Variants in ASTN2 observed in about 807,000 individuals in gnomAD.
ASTN2 encodes the protein astrotactin 2.
A neutral mutation model predicts 139.8 loss-of-function variants in ASTN2; 54 were observed. The observed-to-expected ratio is 0.39, with a 90% CI of 0.31 to 0.48. The LOEUF is 0.48. Among genes scored for constraint, ASTN2 ranks in the 20% least tolerant of loss-of-function variants. The probability of loss-of-function intolerance (pLI) is 0.95; values close to 1 mark genes in which losing one functional copy is unlikely to be tolerated. For missense variants in ASTN2, 1,565 were observed against 1,725.1 expected (o/e 0.91, Z 1.64); for synonymous variants, 756 against 719.5 (o/e 1.05, Z -0.81).
At chr9:117,078,637 G>C (rs187778500) in intron 5 of ASTN2, among the ~76,000 whole-genome samples, 128 of 152,310 alleles carry the variant, frequency 8.4e-4, no homozygotes, top group Non-Finnish European at 1.6e-3. Context: ...GCTTGAAAAT[G>C]GCTGGAGGGC....
intron 10 of ASTN2, among the ~76,000 whole-genome samples, chr9:116,903,585 A>T (rs1487332081): frequency 2.0e-5 from 3 of 152,036 alleles, no homozygotes; most frequent in Non-Finnish European, 4.4e-5. Context: ...CTATAGCAAA[A>T]CTTGGACATA....
At chr9:116,963,581 C>G (rs142979267) in intron 10 of ASTN2, among the ~76,000 whole-genome samples, 84 of 152,220 alleles carry the variant, frequency 5.5e-4, no homozygotes, top group African/African-American at 2.0e-3. Flanking sequence ...AGCAGTGAGA[C>G]TACGTATGAG....
intron 1 of ASTN2, among the ~76,000 whole-genome samples, chr9:117,348,346 C>T (rs1261138207): frequency 6.6e-6 from 1 of 152,182 alleles, no homozygotes; most frequent in African/African-American, 2.4e-5. Flanking sequence ...TACCGATACT[C>T]ATTTCAATTT....
intron 10 of ASTN2, among the ~76,000 whole-genome samples, chr9:116,948,092 C>T (rs1835448652): frequency 6.6e-6 from 1 of 152,160 alleles, no homozygotes; most frequent in South Asian, 2.1e-4. Flanking sequence ...AGTCATGATT[C>T]TTTGATAGGG....
At chr9:117,313,808 T>A (rs922383549) in intron 1 of ASTN2, among the ~76,000 whole-genome samples, 1 of 152,170 alleles carries the variant, frequency 6.6e-6, no homozygotes, top group Non-Finnish European at 1.5e-5. Context: ...AGAATTTCAC[T>A]GCCTCAAGGA....
chr9:116,662,985 T>C (rs1171161237), intron 16 of ASTN2, among the ~76,000 whole-genome samples: 1 of 152,182 alleles, frequency 6.6e-6, no homozygotes, highest in Admixed American at 6.5e-5. Flanking sequence ...AGATGGATCA[T>C]TAATAGGAGA....
chr9:116,942,326 C>A (rs1324926758), intron 10 of ASTN2, among the ~76,000 whole-genome samples: 2 of 152,192 alleles, frequency 1.3e-5, no homozygotes, highest in Non-Finnish European at 2.9e-5. Context: ...GATCTCCCAG[C>A]AAGACGTGGC....
At chr9:117,313,454 C>G (rs760184436) in intron 1 of ASTN2, among the ~76,000 whole-genome samples, 3 of 152,140 alleles carry the variant, frequency 2.0e-5, no homozygotes, top group Non-Finnish European at 2.9e-5. Flanking sequence ...GTCCCAGAGA[C>G]AGGAACATGA....
intron 19 of ASTN2, among the ~76,000 whole-genome samples, chr9:116,543,237 T>C (rs55842808): frequency 0.17 from 25,361 of 148,876 alleles, 2,384 homozygotes; most frequent in African/African-American, 0.24. Context: ...GAGACCAGCC[T>C]GGGCAACATA....
chr9:116,677,922 C>A (rs1415497757), intron 16 of ASTN2, among the ~76,000 whole-genome samples: 1 of 152,162 alleles, frequency 6.6e-6, no homozygotes, highest in Admixed American at 6.5e-5. Flanking sequence ...ATTACAAGTG[C>A]TGAAGCATCT....
chr9:116,790,987 G>GA (rs747157806), intron 13 of ASTN2, among the ~76,000 whole-genome samples: 2 of 102,318 alleles, frequency 2.0e-5, no homozygotes, highest in Admixed American at 1.1e-4. Flanking sequence ...AAGAAAGAAA[G>GA]AAAGAAAGAA....
intron 20 of ASTN2, among the ~76,000 whole-genome samples, chr9:116,484,994 T>G: frequency 6.6e-6 from 1 of 152,146 alleles, no homozygotes; most frequent in East Asian, 1.9e-4. Flanking sequence ...AGAGACAGGG[T>G]TACTCCTTCT....
intron 16 of ASTN2, among the ~76,000 whole-genome samples, chr9:116,658,564 C>T (rs1454810460): frequency 6.6e-6 from 1 of 152,110 alleles, no homozygotes; most frequent in African/African-American, 2.4e-5. Flanking sequence ...AGAAATGGCA[C>T]TGTTCCAGGT....
At chr9:117,362,811 GA>G (rs1330292903) in intron 1 of ASTN2, among the ~76,000 whole-genome samples, 1 of 152,096 alleles carries the variant, frequency 6.6e-6, no homozygotes, top group African/African-American at 2.4e-5. Flanking sequence ...AGTCCTGCCT[GA>G]GTGTGGAAAC....
chr9:117,370,035 A>G (rs887093000), intron 1 of ASTN2, among the ~76,000 whole-genome samples: 26 of 152,030 alleles, frequency 1.7e-4, no homozygotes, highest in African/African-American at 6.0e-4. Context: ...AAGTCCAGGT[A>G]TATTACCCAC....
intron 10 of ASTN2, among the ~76,000 whole-genome samples, chr9:116,869,072 C>G (rs1833087886): frequency 1.3e-5 from 2 of 152,152 alleles, no homozygotes; most frequent in Admixed American, 1.3e-4. Flanking sequence ...GTAATCCCAG[C>G]TACTCGGGAG....
rs1294905677 is a variant in ASTN2 at position 116,976,098 on chromosome 9, A to G, written c.1751+16T>C. ...CCATTTCCCAGAATTATGCCCCAAC[A>G]AGAAAGCCAACTCACCTGAGAATCT... On this transcript the variant is annotated intron_variant, in intron 9 of 22. Coordinates refer to ENST00000313400, the MANE Select transcript of ASTN2 (RefSeq NM_001365068.1). 3 of 1,613,422 alleles carry G rather than the reference A, an allele frequency of 1.9e-6. No individual in the cohort carries two copies. Among genetic ancestry groups the G allele is most frequent in the Non-Finnish European group, 8.5e-7 (1 of 1,179,408 alleles).
At chr9:116,878,584 G>A (rs1044500236) in intron 10 of ASTN2, among the ~76,000 whole-genome samples, 1 of 151,978 alleles carries the variant, frequency 6.6e-6, no homozygotes, top group Non-Finnish European at 1.5e-5. Flanking sequence ...AGCATAAATA[G>A]CTAATACATG....
chr9:117,071,116 C>T (rs1280390128), intron 5 of ASTN2, among the ~76,000 whole-genome samples: 1 of 147,936 alleles, frequency 6.8e-6, no homozygotes, highest in Non-Finnish European at 1.5e-5. Context: ...TTTTTCTGTT[C>T]TGTTTTTTTC....
Sources: allele counts gnomAD v4.1 joint callset (sites outside exome capture counted in the v4.1 genomes callset), GRCh38; gene constraint gnomAD v4.1.1; transcripts MANE v1.5; gene names NCBI Gene and HGNC (gene_info 2026-07-23, HGNC 2026-07-21).